Variants in HMCN1 observed in about 807,000 individuals in gnomAD.
HMCN1 encodes hemicentin 1, also known as hemicentin-1.
Under a neutral mutation model 625.9 loss-of-function variants are expected in HMCN1, and 321 were observed. The observed-to-expected ratio is 0.51, with a 90% confidence interval of 0.47 to 0.56. The LOEUF (loss-of-function observed/expected upper bound fraction) is 0.56, where lower values mean the gene tolerates loss of function less well. Among genes scored for constraint, HMCN1 ranks in the 20% least tolerant of loss-of-function variants. The pLI is 0.00. For missense variants in HMCN1, 6,588 were observed against 6,887.3 expected, an observed-to-expected ratio of 0.96 and a Z score of 1.54; for synonymous variants, 2,425 against 2,417.6, an observed-to-expected ratio of 1.00 and a Z score of -0.09.
intron 46 of HMCN1, among the ~76,000 whole-genome samples, chr1:186,060,395 C>G (rs1441761883): frequency 6.6e-6 from 1 of 151,940 alleles, no homozygotes; most frequent in Non-Finnish European, 1.5e-5. Context: ...TTTTGTTGGA[C>G]CTTACTCCTC....
intron 22 of HMCN1, among the ~76,000 whole-genome samples, chr1:185,991,717 A>C (rs1652440098): frequency 6.6e-6 from 1 of 151,814 alleles, no homozygotes; most frequent in Non-Finnish European, 1.5e-5. Flanking sequence ...TTTTTTAAAA[A>C]AAAAAACAAG....
intron 55 of HMCN1, among the ~76,000 whole-genome samples, chr1:186,079,074 G>A (rs893423346): frequency 9.9e-5 from 15 of 152,082 alleles, no homozygotes; most frequent in East Asian, 1.9e-4. Context: ...GATCAGGTTC[G>A]ATCCCCAGCT....
At chr1:186,077,750 G>T (rs1658917610) in intron 54 of HMCN1, among the ~76,000 whole-genome samples, 1 of 152,244 alleles carries the variant, frequency 6.6e-6, no homozygotes, top group African/African-American at 2.4e-5. Context: ...ACAAGTACTT[G>T]CAGCAAATGG....
At chr1:185,742,760 G>A (rs961100087) in intron 1 of HMCN1, among the ~76,000 whole-genome samples, 1 of 152,094 alleles carries the variant, frequency 6.6e-6, no homozygotes, top group Non-Finnish European at 1.5e-5. Flanking sequence ...TTGGACAAGG[G>A]TAACTCTTAT....
At chr1:185,771,358 A>G (rs1656229800) in intron 1 of HMCN1, among the ~76,000 whole-genome samples, 2 of 152,202 alleles carry the variant, frequency 1.3e-5, no homozygotes, top group African/African-American at 4.8e-5. Flanking sequence ...TAAGCATGAA[A>G]TGTAACCTGT....
In HMCN1 at chr1:186,081,258, T is replaced by G; in HGVS notation, c.8651T>G (p.Val2884Gly). 1 of 1,613,784 alleles carries G rather than the reference T, an allele frequency of 6.2e-7. No homozygotes were observed. The highest frequency in any genetic ancestry group is 8.5e-7 in the Non-Finnish European group (1 of 1,179,712). Reference sequence around the variant, plus strand: ...AGTGATCTCCCTGAAGAGGTCACCGTGCTGGTGAACAAGAGTGCACTGATA... The same window carrying G: ...AGTGATCTCCCTGAAGAGGTCACCGGGCTGGTGAACAAGAGTGCACTGATA... ...ANSDLPEEVT[V>G]LVNKSALIEC... The change falls in exon 56 of 107, where the codon GTG (valine) becomes GGG (glycine). Residue 2884 changes from valine to glycine, a missense_variant. Val to Gly is a moderately radical substitution (Grantham distance 109). Transcript: ENST00000271588.
chr1:186,075,986 G>T (rs888761748), intron 53 of HMCN1, among the ~76,000 whole-genome samples: 2 of 152,078 alleles, frequency 1.3e-5, no homozygotes, highest in Non-Finnish European at 2.9e-5. Context: ...TATTATTTTT[G>T]TTAATGGAAT....
intron 1 of HMCN1, among the ~76,000 whole-genome samples, chr1:185,774,463 C>A (rs1656462253): frequency 6.6e-6 from 1 of 152,236 alleles, no homozygotes; most frequent in Non-Finnish European, 1.5e-5. Context: ...TTTTCCCTGA[C>A]AGTGTCTGTT....
In HMCN1 at chr1:185,937,837, C is replaced by T. The variant is rs553127785; in HGVS notation, c.1828+4013C>T. On this transcript the variant is annotated intron_variant, in intron 11 of 106. Coordinates refer to ENST00000271588, the MANE Select transcript of HMCN1 (RefSeq NM_031935.3). ...CGGAGGTTGCTGTGAGTCAAGATCA[C>T]GCCTCTGCACTCCAGCCTGGGCAAC... Among the ~76,000 whole-genome samples the T allele has an allele frequency of 4.4e-4, 67 of 151,004 alleles. 2 individuals are homozygous for T. In the South Asian group the frequency reaches 7.1e-3, roughly 16 times the overall value.
In HMCN1 at chr1:186,114,069, C is replaced by A. The variant is rs757589416; in HGVS notation, c.11222C>A (p.Thr3741Asn). 8 of 1,614,078 alleles carry A rather than the reference C, an allele frequency of 5.0e-6. No homozygotes were observed. In the South Asian group the frequency reaches 6.6e-5, roughly 13 times the overall value. ...VLECIAEGVP[T>N]PRITWRKDGA... ...GAATGCATCGCTGAAGGTGTGCCAA[C>A]TCCAAGGATAACATGGAGAAAGGAT... Residue 3741 changes from threonine to asparagine, a missense_variant, in exon 73 of 107, where the codon ACT becomes AAT. Physicochemically the swap from Thr to Asn is moderately conservative, Grantham distance 65. Coordinates refer to ENST00000271588, the MANE Select transcript of HMCN1 (RefSeq NM_031935.3).
intron 4 of HMCN1, among the ~76,000 whole-genome samples, chr1:185,899,384 G>A (rs570936944): frequency 2.0e-5 from 3 of 152,010 alleles, no homozygotes; most frequent in African/African-American, 2.4e-5. Context: ...AAAATGCAGC[G>A]AAAAAAATGC....
At chr1:185,991,308 T>C (rs1371576717) in intron 22 of HMCN1, among the ~76,000 whole-genome samples, 1 of 152,210 alleles carries the variant, frequency 6.6e-6, no homozygotes, top group Non-Finnish European at 1.5e-5. Context: ...TATATAATTT[T>C]ACTATTTGTT....
chr1:185,874,568 G>A lies in HMCN1; in HGVS notation c.621+8705G>A, dbSNP rs12071810. ...ATGAGCTACTTTTGAGAGCTCCCTT[G>A]TAATATTTTGGTCATGATTTGGCTT... On this transcript the variant is annotated intron_variant, in intron 4 of 106. Coordinates refer to ENST00000271588, the MANE Select transcript of HMCN1 (RefSeq NM_031935.3). Among the ~76,000 whole-genome samples the A allele has an allele frequency of 2.3e-3, 351 of 152,044 alleles. 1 individual carries two copies. The highest frequency in any genetic ancestry group is 8.0e-3 in the African/African-American group (334 of 41,536).
intron 102 of HMCN1, among the ~76,000 whole-genome samples, chr1:186,173,866 A>G (rs1055301623): frequency 6.6e-6 from 1 of 152,214 alleles, no homozygotes; most frequent in Admixed American, 6.5e-5. Flanking sequence ...TGAAGGAAAT[A>G]GAACTACCCA....
chr1:185,997,335 T>C, intron 24 of HMCN1, 94 bp from the exon 25 acceptor site: 1 of 787,300 alleles, frequency 1.3e-6, no homozygotes, highest in Non-Finnish European at 2.3e-6. Flanking sequence ...TCAGCAGAGA[T>C]AGCAACTCAT....
chr1:186,065,261 T>A lies in HMCN1; in HGVS notation c.7537T>A (p.Trp2513Arg). Residue 2513 changes from tryptophan to arginine, a missense_variant, in exon 49 of 107, where the codon TGG becomes AGG. Physicochemically the swap from Trp to Arg is moderately radical, Grantham distance 101. Around this residue, in one of 3 missense-constraint regions of HMCN1, gnomAD observed 4,628 missense variants for 4,853.1 expected, o/e 0.95. Transcript: ENST00000271588. ...AGGGAATCCAGTGCCAGAAATTACATGGCACAAAGATGGGCAGCCCCTCCA... is the reference window on the plus strand; with the variant it reads ...AGGGAATCCAGTGCCAGAAATTACAAGGCACAAAGATGGGCAGCCCCTCCA... ...VTGNPVPEIT[W>R]HKDGQPLQED... is the part of the protein sequence containing the mutation. The A allele has an allele frequency of 6.2e-7, 1 of 1,612,366 alleles. No individual in the cohort carries two copies. The highest frequency in any genetic ancestry group is 8.5e-7 in the Non-Finnish European group (1 of 1,179,844).
chr1:186,163,505 A>C (rs1651667446), intron 97 of HMCN1, among the ~76,000 whole-genome samples: 2 of 152,094 alleles, frequency 1.3e-5, no homozygotes, highest in Non-Finnish European at 2.9e-5. Flanking sequence ...TGCCTTGCTC[A>C]TTCTGGGAGC....
At chr1:186,019,217 T>C (rs1654557351) in intron 34 of HMCN1, among the ~76,000 whole-genome samples, 1 of 151,878 alleles carries the variant, frequency 6.6e-6, no homozygotes, top group Admixed American at 6.6e-5. Context: ...CTTAATGAAG[T>C]AGTTCTAGAG....
intron 92 of HMCN1, 60 bp from the exon 93 acceptor site, chr1:186,145,693 T>C: frequency 6.2e-7 from 1 of 1,612,990 alleles, no homozygotes; most frequent in Admixed American, 1.7e-5. Flanking sequence ...ACCCCAAGTA[T>C]AGATTATGAA....
Sources: gnomAD v4.1 joint callset for allele counts (sites outside exome capture counted in the v4.1 genomes callset) on GRCh38, gnomAD v4.1.1 for gene constraint, gnomAD v4.1.1 regional missense constraint, MANE v1.5 for transcripts, NCBI Gene and HGNC (gene_info 2026-07-23, HGNC 2026-07-21) for gene names.